Variants in SPIDR observed in about 807,000 individuals in gnomAD.
The protein encoded by SPIDR is scaffold protein involved in DNA repair.
In SPIDR, 93 loss-of-function variants were observed where a neutral mutation model predicts 104.6. The ratio of observed to expected loss-of-function variants is 0.89; its 90% CI spans 0.75 to 1.06. The LOEUF (loss-of-function observed/expected upper bound fraction) is 1.06, where lower values mean the gene tolerates loss of function less well. SPIDR is among the 50% of genes least tolerant of loss of function. The pLI is 0.00. For missense variants in SPIDR, 1,154 were observed against 1,111.2 expected (o/e 1.04, Z -0.55); for synonymous variants, 431 against 416.9 (o/e 1.03, Z -0.41).
intron 8 of SPIDR, among the ~76,000 whole-genome samples, chr8:47,548,634 C>T (rs929075004): frequency 5.9e-5 from 9 of 151,992 alleles, no homozygotes; most frequent in Non-Finnish European, 1.2e-4. Flanking sequence ...GGCAACAGAG[C>T]GGAACTTCAT....
intron 8 of SPIDR, chr8:47,511,128 G>T: frequency 6.6e-7 from 1 of 1,525,346 alleles, no homozygotes; most frequent in Non-Finnish European, 9.1e-7. Flanking sequence ...AAGTAGTCAT[G>T]AGGATAAAGC....
intron 8 of SPIDR, among the ~76,000 whole-genome samples, chr8:47,470,445 C>T (rs1459867855): frequency 2.6e-5 from 4 of 151,924 alleles, no homozygotes; most frequent in Admixed American, 1.3e-4. Flanking sequence ...CCCACCACCA[C>T]GCCCAGCTAA....
chr8:47,592,156 C>T, intron 8 of SPIDR: 1 of 1,411,984 alleles, frequency 7.1e-7, no homozygotes, highest in Non-Finnish European at 1.0e-6. Flanking sequence ...AAATATTATT[C>T]ATGGCATATA....
chr8:47,624,893 C>T (rs1408023395), intron 10 of SPIDR, among the ~76,000 whole-genome samples: 5 of 152,094 alleles, frequency 3.3e-5, no homozygotes, highest in African/African-American at 7.2e-5. Flanking sequence ...TTTATGAGGC[C>T]GGCATCATCC....
chr8:47,363,347 A>G (rs1554631742), intron 5 of SPIDR, among the ~76,000 whole-genome samples: 2 of 150,138 alleles, frequency 1.3e-5, no homozygotes, highest in East Asian at 3.9e-4. Flanking sequence ...CTGGGACTAC[A>G]GGCGCCCGCC....
intron 8 of SPIDR, among the ~76,000 whole-genome samples, chr8:47,536,778 T>C (rs2086988123): frequency 6.6e-6 from 1 of 152,196 alleles, no homozygotes; most frequent in African/African-American, 2.4e-5. Flanking sequence ...TTCTGCTCTG[T>C]GAAAGACACT....
At chr8:47,540,534 C>G (rs923527937) in intron 8 of SPIDR, among the ~76,000 whole-genome samples, 1 of 152,156 alleles carries the variant, frequency 6.6e-6, no homozygotes, top group African/African-American at 2.4e-5. Flanking sequence ...GCCCCTGTGG[C>G]CAGCCTACCA....
At chr8:47,687,701 G>T (rs1220958759) in intron 11 of SPIDR, among the ~76,000 whole-genome samples, 1 of 152,196 alleles carries the variant, frequency 6.6e-6, no homozygotes, top group African/African-American at 2.4e-5. Flanking sequence ...TGATCCTAAA[G>T]ATCTTCACAC....
At chr8:47,542,046 T>A (rs2088276942) in intron 8 of SPIDR, among the ~76,000 whole-genome samples, 1 of 152,178 alleles carries the variant, frequency 6.6e-6, no homozygotes, top group Non-Finnish European at 1.5e-5. Flanking sequence ...TCAAATCAGT[T>A]AAACACATGC....
intron 5 of SPIDR, among the ~76,000 whole-genome samples, chr8:47,317,543 A>G (rs938539564): frequency 6.6e-6 from 1 of 152,128 alleles, no homozygotes; most frequent in Non-Finnish European, 1.5e-5. Context: ...ATAACCAAGC[A>G]AAAGGCAGCA....
At chr8:47,440,248 C>T (rs1328558955) in intron 7 of SPIDR, 75 bp from the exon 8 acceptor site, 18 of 1,338,964 alleles carry the variant, frequency 1.3e-5, no homozygotes, top group Non-Finnish European at 1.6e-5. Context: ...ATCTTTTTTT[C>T]ATGACACTTT....
intron 7 of SPIDR, among the ~76,000 whole-genome samples, chr8:47,416,312 T>C (rs1483602955): frequency 3.3e-5 from 5 of 152,202 alleles, no homozygotes; most frequent in Non-Finnish European, 7.3e-5. Context: ...ATTTTTCACT[T>C]AGTTTAATTC....
chr8:47,716,585 A>G (rs1264669499), intron 16 of SPIDR, among the ~76,000 whole-genome samples: 1 of 152,210 alleles, frequency 6.6e-6, no homozygotes, highest in Non-Finnish European at 1.5e-5. Flanking sequence ...GATAATGCTC[A>G]GGAGGCTTTG....
intron 8 of SPIDR, among the ~76,000 whole-genome samples, chr8:47,495,413 C>T (rs1359859362): frequency 6.6e-6 from 1 of 151,510 alleles, no homozygotes; most frequent in African/African-American, 2.4e-5. Flanking sequence ...ATATAATTAA[C>T]ATAGTATACA....
chr8:47,444,067 A>T (rs530590053), intron 8 of SPIDR, among the ~76,000 whole-genome samples: 2 of 152,376 alleles, frequency 1.3e-5, no homozygotes, highest in South Asian at 4.1e-4. Context: ...CAGACATGTA[A>T]AAATAAAATA....
intron 11 of SPIDR, among the ~76,000 whole-genome samples, chr8:47,681,530 A>G (rs2077099757): frequency 6.6e-6 from 1 of 152,178 alleles, no homozygotes. Flanking sequence ...GTAAACTGAC[A>G]ATTATTTTTA....
intron 8 of SPIDR, among the ~76,000 whole-genome samples, chr8:47,581,704 G>C (rs1339634443): frequency 2.6e-5 from 4 of 152,116 alleles, no homozygotes; most frequent in Non-Finnish European, 4.4e-5. Context: ...GACAACTTCA[G>C]TTCTCAATCT....
chr8:47,648,800 G>C (rs1203349264), intron 10 of SPIDR, among the ~76,000 whole-genome samples: 2 of 152,150 alleles, frequency 1.3e-5, no homozygotes, highest in African/African-American at 4.8e-5. Context: ...CAAATCTGGG[G>C]CAATTCATGC....
intron 11 of SPIDR, among the ~76,000 whole-genome samples, chr8:47,674,642 G>A (rs368822353): frequency 5.3e-5 from 8 of 152,254 alleles, no homozygotes; most frequent in African/African-American, 1.9e-4. Context: ...TTAAATTATA[G>A]TAACATCTGA....
Sources: allele counts gnomAD v4.1 joint callset (sites outside exome capture counted in the v4.1 genomes callset), GRCh38; gene constraint gnomAD v4.1.1; transcripts MANE v1.5; gene names NCBI Gene and HGNC (gene_info 2026-07-23, HGNC 2026-07-21).